CDC42BPA: variants seen among roughly 807,000 people sequenced by gnomAD.
CDC42BPA encodes the protein CDC42 binding protein kinase alpha, also known as serine/threonine-protein kinase MRCK alpha.
In CDC42BPA, 80 loss-of-function variants were observed where a neutral mutation model predicts 223.5. That is an observed-to-expected ratio of 0.36 (90% confidence interval 0.30 to 0.43). The LOEUF is 0.43. Ranked by LOEUF, CDC42BPA falls within the 20% of genes least tolerant of loss-of-function variation. The pLI is 1.00. For synonymous variants in CDC42BPA, 694 were observed against 718.6 expected, an observed-to-expected ratio of 0.97 and a Z score of 0.55; for missense variants, 1,743 against 2,099.9, an observed-to-expected ratio of 0.83 and a Z score of 3.32.
At chr1:227,129,693 A>AAAAAAAAAAAAC (rs1656620148) in intron 10 of CDC42BPA, among the ~76,000 whole-genome samples, 1 of 132,144 alleles carries the variant, frequency 7.6e-6, no homozygotes, top group Non-Finnish European at 1.6e-5. Context: ...AAAAAAAAAA[A>AAAAAAAAAAAAC]ATCCACTGCA....
Position 227,112,908 on chromosome 1 carries a change from T to C in CDC42BPA, c.1653A>G (p.Leu551=). 3.1e-6 allele frequency: 5 copies of C among 1,613,310 alleles called. No homozygotes were observed. The highest frequency in any genetic ancestry group is 3.4e-6 in the Non-Finnish European group (4 of 1,179,780). The change falls in exon 13 of 37, where the codon CTA becomes CTG. Residue 551 remains leucine (L), a synonymous_variant. Transcript: ENST00000366766. The stretch of plus-strand genomic sequence containing the variant: ...TTTTTAATCGCTCACTAGCCTGGAC[T>C]AGTTCCTACAGTTTTGTAAAAAGAA... ...QQEREDLNKE[L]VQASERLKNQ... is the part of the protein sequence containing the mutation.
intron 1 of CDC42BPA, among the ~76,000 whole-genome samples, chr1:227,285,425 T>C (rs1688656146): frequency 6.6e-6 from 1 of 152,194 alleles, no homozygotes; most frequent in East Asian, 1.9e-4. Context: ...AACCACAAAT[T>C]GCCTATGAAA....
intron 5 of CDC42BPA, among the ~76,000 whole-genome samples, chr1:227,190,635 T>C (rs1043731031): frequency 6.6e-6 from 1 of 152,230 alleles, no homozygotes; most frequent in African/African-American, 2.4e-5. Context: ...AACTGAAACC[T>C]TTTCAAAAGC....
intron 21 of CDC42BPA, chr1:227,059,488 AACAG>A (rs747218632): frequency 4.2e-5 from 53 of 1,276,092 alleles, no homozygotes; most frequent in Non-Finnish European, 5.5e-5. Flanking sequence ...CTATTGTATT[AACAG>A]ACAAAGTATA....
chr1:227,112,990 A>G (rs1375882905), intron 12 of CDC42BPA, 77 bp from the exon 13 acceptor site: 7 of 1,466,138 alleles, frequency 4.8e-6, no homozygotes, highest in Non-Finnish European at 5.6e-6. Flanking sequence ...AATAGCTATC[A>G]TTAAGTCAAG....
At chr1:227,075,404 A>G (rs887666715) in intron 17 of CDC42BPA, among the ~76,000 whole-genome samples, 2 of 152,198 alleles carry the variant, frequency 1.3e-5, no homozygotes, top group African/African-American at 2.4e-5. Flanking sequence ...AAATTTATAT[A>G]TATCTTAAAG....
intron 6 of CDC42BPA, among the ~76,000 whole-genome samples, chr1:227,159,291 A>T (rs10916098): frequency 6.6e-6 from 1 of 152,038 alleles, no homozygotes; most frequent in African/African-American, 2.4e-5. Context: ...GTTTGAGACC[A>T]GCCTGACCAA....
At chr1:227,291,206 T>A (rs894461833) in intron 1 of CDC42BPA, among the ~76,000 whole-genome samples, 33 of 152,020 alleles carry the variant, frequency 2.2e-4, no homozygotes, top group Non-Finnish European at 4.6e-4. Flanking sequence ...GAACAAAAAA[T>A]CATGTTGCTC....
At chr1:227,162,043 A>T (rs1261616759) in intron 5 of CDC42BPA, among the ~76,000 whole-genome samples, 4 of 152,168 alleles carry the variant, frequency 2.6e-5, no homozygotes, top group Admixed American at 1.3e-4. Flanking sequence ...ATGAGGAAAA[A>T]ATATTTTATT....
At chr1:227,079,819 T>C (rs1441204691) in intron 17 of CDC42BPA, among the ~76,000 whole-genome samples, 2 of 152,020 alleles carry the variant, frequency 1.3e-5, no homozygotes, top group African/African-American at 4.8e-5. Flanking sequence ...TGGGTATCCT[T>C]TACATGAAAT....
intron 1 of CDC42BPA, among the ~76,000 whole-genome samples, chr1:227,274,202 A>T (rs1328189023): frequency 6.6e-6 from 1 of 152,068 alleles, no homozygotes; most frequent in Middle Eastern, 3.2e-3. Context: ...GAAGGAAAGG[A>T]ACCCCCCAGT....
intron 2 of CDC42BPA, among the ~76,000 whole-genome samples, chr1:227,222,660 TC>T (rs1676151449): frequency 6.6e-6 from 1 of 152,210 alleles, no homozygotes; most frequent in African/African-American, 2.4e-5. Flanking sequence ...TTGCTGGGTT[TC>T]CCCACTCAGT....
intron 1 of CDC42BPA, among the ~76,000 whole-genome samples, chr1:227,264,604 A>T (rs922011624): frequency 7.2e-5 from 11 of 152,112 alleles, no homozygotes; most frequent in African/African-American, 2.7e-4. Context: ...GATTTTCAAA[A>T]AGTATAACAA....
chr1:227,072,271 A>C lies in CDC42BPA; in HGVS notation c.2764T>G (p.Leu922Val), dbSNP rs1262829442. The C allele has an allele frequency of 6.2e-7, 1 of 1,605,110 alleles. No individual in the cohort carries two copies. Among genetic ancestry groups the C allele is most frequent in the Non-Finnish European group, 8.5e-7 (1 of 1,172,526 alleles). The change falls in exon 20 of 37, where the codon TTG becomes GTG. Residue 922 changes from leucine (L) to valine (V), a missense_variant. Physicochemically the swap from Leu to Val is conservative, Grantham distance 32 (BLOSUM62 1). This residue lies in a region of CDC42BPA where 678 missense variants were observed against 777.5 expected (regional missense o/e 0.87). Transcript: ENST00000366766. The stretch of plus-strand genomic sequence containing the variant: ...TGTTCGATTTCTGAGAGTAGTTCCA[A>C]GTTCTTCTTCTCTGAATCTTTTAGT... ...CKLKDSEKKNLELLSEIEQLI... is the reference protein window; with the variant it reads ...CKLKDSEKKNVELLSEIEQLI...
At chr1:227,023,467 A>G in intron 31 of CDC42BPA, 120 bp from the exon 32 acceptor site, 1 of 506,796 alleles carries the variant, frequency 2.0e-6, no homozygotes, top group South Asian at 3.0e-5. Context: ...TTCAAAATGC[A>G]GCCCTCTCAG....
At chr1:227,277,873 C>T (rs924915402) in intron 1 of CDC42BPA, among the ~76,000 whole-genome samples, 4 of 152,134 alleles carry the variant, frequency 2.6e-5, no homozygotes, top group Non-Finnish European at 5.9e-5. Context: ...CCTCAGCCTC[C>T]CGAGTAGCTA....
intron 35 of CDC42BPA, among the ~76,000 whole-genome samples, chr1:226,996,711 G>C (rs1661690395): frequency 6.6e-6 from 1 of 152,210 alleles, no homozygotes; most frequent in African/African-American, 2.4e-5. Flanking sequence ...CATCTATTGA[G>C]ATAATCATGT....
Position 226,994,063 on chromosome 1 carries a change from C to T in CDC42BPA, c.*205G>A, listed in dbSNP as rs1043630352. On this transcript the variant is annotated 3_prime_UTR_variant, in exon 37 of 37. Transcript: ENST00000366766. This position sits in a 1 kb window ranked among gnomAD's most constrained non-coding sequence, Gnocchi z 4.0. Reference sequence around the variant, plus strand: ...AAATCAACGTTAATCTAAGCTGCTACGGAAAGTCTGTCTTTGTTGTTGCTG... The same window carrying T: ...AAATCAACGTTAATCTAAGCTGCTATGGAAAGTCTGTCTTTGTTGTTGCTG... 16 of 526,756 alleles carry T rather than the reference C, an allele frequency of 3.0e-5. No individual in the cohort carries two copies. Among genetic ancestry groups the T allele is most frequent in the South Asian group, 2.4e-4 (10 of 41,864 alleles). The allele number at this position is 526,756 out of a possible 1,614,324, so 32.6% of individuals were successfully genotyped here.
chr1:227,052,012 A>G (rs2148875521), intron 21 of CDC42BPA, 27 bp from the exon 22 acceptor site: 1 of 1,317,566 alleles, frequency 7.6e-7, no homozygotes, highest in Non-Finnish European at 1.0e-6. Flanking sequence ...GGAAAAATAA[A>G]AACCCAAAAA....
Sources: gnomAD v4.1 joint callset for allele counts (sites outside exome capture counted in the v4.1 genomes callset) on GRCh38, gnomAD v4.1.1 for gene constraint, gnomAD v4.1.1 regional missense constraint, Gnocchi (gnomAD v3.1) non-coding constraint, MANE v1.5 for transcripts, NCBI Gene and HGNC (gene_info 2026-07-23, HGNC 2026-07-21) for gene names.